PCDH15: variants seen among roughly 807,000 people sequenced by gnomAD.
PCDH15 encodes the protein protocadherin-15.
In PCDH15, 129 loss-of-function variants were observed where a neutral mutation model predicts 178.5. That is an observed-to-expected ratio of 0.72 (90% confidence interval 0.63 to 0.84). PCDH15 has a LOEUF of 0.84. PCDH15 is among the 40% of genes least tolerant of loss of function. PCDH15 has a pLI of 0.00. For synonymous variants in PCDH15, 800 were observed against 732.0 expected (o/e 1.09, Z -1.50); for missense variants, 2,230 against 2,099.9 (o/e 1.06, Z -1.21).
intron 1 of PCDH15, among the ~76,000 whole-genome samples, chr10:55,227,205 G>A (rs929013105): frequency 2.6e-5 from 4 of 152,042 alleles, no homozygotes; most frequent in African/African-American, 9.7e-5. Context: ...AAATCACAAT[G>A]CTGTCAGCCT....
At chr10:54,258,768 A>G (rs951996286) in intron 8 of PCDH15, among the ~76,000 whole-genome samples, 1 of 152,236 alleles carries the variant, frequency 6.6e-6, no homozygotes, top group Non-Finnish European at 1.5e-5. Flanking sequence ...ATTTTTTTCA[A>G]TAACTGTAAT....
chr10:54,681,616 A>G (rs1304321228), intron 1 of PCDH15, among the ~76,000 whole-genome samples: 1 of 152,062 alleles, frequency 6.6e-6, no homozygotes, highest in African/African-American at 2.4e-5. Context: ...CCTTGAGAAG[A>G]GTGGTTTTAG....
chr10:54,046,354 G>A (rs1268612371), intron 18 of PCDH15, among the ~76,000 whole-genome samples: 1 of 152,284 alleles, frequency 6.6e-6, no homozygotes, highest in East Asian at 1.9e-4. Context: ...ATTCACAGCA[G>A]CACTGAAGAT....
intron 2 of PCDH15, among the ~76,000 whole-genome samples, chr10:55,578,215 A>G (rs953398146): frequency 8.6e-5 from 13 of 151,594 alleles, no homozygotes; most frequent in African/African-American, 2.4e-4. Context: ...ATCTTATTTT[A>G]TTTTATTTTA....
At chr10:53,941,057 A>C in intron 23 of PCDH15, 82 bp from the exon 24 acceptor site, 1 of 975,980 alleles carries the variant, frequency 1.0e-6, no homozygotes, top group Non-Finnish European at 1.6e-6. Context: ...AATTGAGAGA[A>C]AGATAAGAGA....
chr10:54,457,734 C>A lies in PCDH15; in HGVS notation c.157+70078G>T, dbSNP rs528367570. The stretch of plus-strand genomic sequence containing the variant: ...TTTAATGATAAATCATAGTCATAAG[C>A]CCATAAAATAAAGTAATATCAAAAT... On this transcript the variant is annotated intron_variant, in intron 3 of 37. Coordinates refer to ENST00000644397, the MANE Select transcript of PCDH15 (RefSeq NM_001384140.1). Among the ~76,000 whole-genome samples, 5 of 152,038 alleles carry A rather than the reference C, an allele frequency of 3.3e-5. No individual in the cohort carries two copies. In the South Asian group the frequency reaches 1.0e-3, roughly 32 times the overall value.
chr10:54,784,237 A>G (rs1950630187), intron 1 of PCDH15, among the ~76,000 whole-genome samples: 2 of 152,016 alleles, frequency 1.3e-5, no homozygotes, highest in South Asian at 4.1e-4. Flanking sequence ...TATCTCCACT[A>G]TACAATTTAT....
chr10:54,168,530 G>T (rs1163146966), intron 13 of PCDH15, among the ~76,000 whole-genome samples: 86 of 142,000 alleles, frequency 6.1e-4, no homozygotes, highest in Middle Eastern at 3.8e-3. Context: ...ACACCTGGTC[G>T]GGCTTACAGT....
chr10:55,119,357 A>C (rs756266201), intron 2 of PCDH15, among the ~76,000 whole-genome samples: 2 of 152,096 alleles, frequency 1.3e-5, no homozygotes, highest in Non-Finnish European at 2.9e-5. Flanking sequence ...TAGCTTAAGA[A>C]TCTTTCCTCC....
chr10:54,530,876 C>A (rs1311094542), intron 2 of PCDH15, among the ~76,000 whole-genome samples: 2 of 152,082 alleles, frequency 1.3e-5, no homozygotes, highest in East Asian at 3.8e-4. Context: ...TAACATTGTT[C>A]ATAACAAAGT....
intron 3 of PCDH15, among the ~76,000 whole-genome samples, chr10:54,394,464 T>A (rs1950950702): frequency 6.6e-6 from 1 of 151,886 alleles, no homozygotes; most frequent in Admixed American, 6.6e-5. Flanking sequence ...AACCAGCAAG[T>A]TTTTATTAGG....
chr10:55,171,052 A>G (rs1839320123), intron 1 of PCDH15, among the ~76,000 whole-genome samples: 1 of 152,160 alleles, frequency 6.6e-6, no homozygotes, highest in Admixed American at 6.5e-5. Context: ...AGAATGCCCT[A>G]GGGCACTGAC....
At chr10:54,853,539 T>C (rs927734481) in intron 3 of PCDH15, among the ~76,000 whole-genome samples, 1 of 149,698 alleles carries the variant, frequency 6.7e-6, no homozygotes, top group Non-Finnish European at 1.5e-5. Flanking sequence ...GTAGAAGAAA[T>C]CTCATAAATC....
chr10:53,950,881 A>C (rs1328302215), intron 23 of PCDH15, among the ~76,000 whole-genome samples: 1 of 152,196 alleles, frequency 6.6e-6, no homozygotes, highest in Non-Finnish European at 1.5e-5. Flanking sequence ...TTGACCGAAA[A>C]TCTCTTAGTA....
At chr10:54,125,737 C>T (rs1175383363) in intron 15 of PCDH15, among the ~76,000 whole-genome samples, 3 of 152,050 alleles carry the variant, frequency 2.0e-5, no homozygotes, top group African/African-American at 7.2e-5. Context: ...TTTTCAAGTG[C>T]TTAGTGTAGT....
At chr10:55,461,939 C>T (rs898386172) in intron 2 of PCDH15, among the ~76,000 whole-genome samples, 1 of 152,026 alleles carries the variant, frequency 6.6e-6, no homozygotes, top group Non-Finnish European at 1.5e-5. Flanking sequence ...TAGAAACATC[C>T]TTACTATGCC....
At chr10:54,337,638 C>G (rs1215410628) in intron 6 of PCDH15, among the ~76,000 whole-genome samples, 1 of 152,250 alleles carries the variant, frequency 6.6e-6, no homozygotes, top group South Asian at 2.1e-4. Context: ...CTTTTGCCCC[C>G]TATGCCATCC....
Position 54,378,960 on chromosome 10 carries a change from G to A in PCDH15, c.158-18C>T. The stretch of plus-strand genomic sequence containing the variant: ...AATTGTACCTGCAAACCAAAGAAAG[G>A]TACTTGAAAACATATTCTACTCATA... On this transcript the variant is annotated intron_variant, in intron 3 of 37. Transcript: ENST00000644397. 1 of 1,613,158 alleles carries A rather than the reference G, an allele frequency of 6.2e-7. No homozygotes were observed. The highest frequency in any genetic ancestry group is 8.5e-7 in the Non-Finnish European group (1 of 1,179,520).
chr10:55,310,335 A>G (rs887193299), intron 1 of PCDH15, among the ~76,000 whole-genome samples: 5 of 152,152 alleles, frequency 3.3e-5, no homozygotes, highest in African/African-American at 1.2e-4. Context: ...TTCTTTTATA[A>G]ATATTGTTGA....
Sources: allele counts gnomAD v4.1 joint callset (sites outside exome capture counted in the v4.1 genomes callset), GRCh38; gene constraint gnomAD v4.1.1; transcripts MANE v1.5; gene names NCBI Gene and HGNC (gene_info 2026-07-23, HGNC 2026-07-21).